The following AFDN variants were observed in gnomAD, a reference collection of about 807,000 sequenced individuals.
The protein encoded by AFDN is afadin.
In AFDN, 68 loss-of-function variants were observed where a neutral mutation model predicts 216.6. That is an observed-to-expected ratio of 0.31 (90% CI 0.26 to 0.38). The LOEUF is 0.38. Ranked by LOEUF, AFDN falls within the 10% of genes least tolerant of loss-of-function variation. AFDN has a pLI of 1.00. For missense variants in AFDN, 2,136 were observed against 2,342.0 expected, an observed-to-expected ratio of 0.91 and a Z score of 1.82; for synonymous variants, 868 against 853.7, an observed-to-expected ratio of 1.02 and a Z score of -0.29.
At chr6:167,930,078 G>A (rs905687656) in intron 23 of AFDN, among the ~76,000 whole-genome samples, 1 of 152,054 alleles carries the variant, frequency 6.6e-6, no homozygotes, top group East Asian at 1.9e-4. Flanking sequence ...GATGATGTGC[G>A]CCTGTGGTCC....
rs938483819 is a variant in AFDN, at chr6:167,917,188, T to C, written c.2665T>C (p.Leu889=). ...AAATTCATTACAACTTCAAGCCTTA[T>C]TACAGAACTATCACTGTGCACCTGA... ...KLNSLQLQAL[L]QNYHCAPDEP... is the part of the protein sequence containing the mutation. Residue 889 remains leucine, a synonymous_variant, in exon 20 of 34, where the codon TTA becomes CTA. Coordinates refer to ENST00000683244, the MANE Select transcript of AFDN (RefSeq NM_001386888.1). 6.2e-7 allele frequency: 1 copy of C among 1,610,680 alleles called. No homozygotes were observed.
chr6:167,925,070 C>T lies in AFDN; in HGVS notation c.3078C>T (p.Gly1026=), dbSNP rs756862119. Residue 1026 remains glycine (G), a synonymous_variant, in exon 23 of 34, where the codon GGC becomes GGT. Transcript: ENST00000683244. The part of the protein sequence containing the change: ...TVTLKKQNGM[G]LSIVAAKGAG... ...CCCTAAAAAAGCAGAATGGAATGGG[C>T]CTTAGCATTGTTGCAGCAAAGGTAG... 1.2e-6 allele frequency: 2 copies of T among 1,613,378 alleles called. No individual in the cohort carries two copies. Among genetic ancestry groups the T allele is most frequent in the Non-Finnish European group, 1.7e-6 (2 of 1,179,330 alleles).
intron 6 of AFDN, among the ~76,000 whole-genome samples, chr6:167,888,551 T>G (rs1268862972): frequency 1.3e-5 from 2 of 152,192 alleles, no homozygotes; most frequent in African/African-American, 2.4e-5. Flanking sequence ...TACAGTGTTT[T>G]GGGGGCTTTC....
chr6:167,951,691 G>A lies in AFDN; in HGVS notation c.4337G>A (p.Arg1446Lys). 6.2e-7 allele frequency: 1 copy of A among 1,614,062 alleles called. No individual in the cohort carries two copies. The highest frequency in any genetic ancestry group is 8.5e-7 in the Non-Finnish European group (1 of 1,179,978). Residue 1446 changes from arginine (R) to lysine (K), a missense_variant, in exon 30 of 34, where the codon AGG becomes AAG. Arg to Lys is a conservative substitution (Grantham distance 26, BLOSUM62 2). This residue lies in a region of AFDN where 981 missense variants were observed against 966.0 expected (regional missense o/e 1.02). Coordinates refer to ENST00000683244, the MANE Select transcript of AFDN (RefSeq NM_001386888.1). The surrounding 1 kb of genome is among the most constrained non-coding windows in gnomAD (Gnocchi z 7.1). The stretch of plus-strand genomic sequence containing the variant: ...GAGAGGAAGCGGAGAGAGCAGGAGA[G>A]GAAGTTGGGCCAGATGCGCACTCAG... ...ERERKRREQE[R>K]KLGQMRTQSL...
intron 30 of AFDN, among the ~76,000 whole-genome samples, chr6:167,956,437 CT>C (rs775479096): frequency 7.9e-5 from 12 of 152,164 alleles, no homozygotes; most frequent in Non-Finnish European, 1.6e-4. Flanking sequence ...CCCATCACCC[CT>C]GTCAGTCCAG....
intron 1 of AFDN, among the ~76,000 whole-genome samples, chr6:167,862,040 G>A (rs898449688): frequency 6.6e-6 from 1 of 152,194 alleles, no homozygotes; most frequent in Non-Finnish European, 1.5e-5. Context: ...CAGGGTGGTA[G>A]TGTGAAAGTA....
intron 26 of AFDN, 108 bp from the exon 27 acceptor site, chr6:167,946,599 C>CT (rs1795290332): frequency 2.1e-6 from 2 of 937,420 alleles, no homozygotes; most frequent in South Asian, 3.4e-5. Context: ...AAGAATTGAC[C>CT]TTTATCACCT....
intron 3 of AFDN, among the ~76,000 whole-genome samples, chr6:167,871,203 T>C (rs1420210051): frequency 6.7e-6 from 1 of 148,832 alleles, no homozygotes; most frequent in East Asian, 2.1e-4. Context: ...CACTGTTCCA[T>C]GTTGAAGAGT....
rs548268422 is a variant in AFDN at position 167,922,848 on chromosome 6, C to T, written c.2909-8C>T. On this transcript the variant is annotated splice_region_variant and splice_polypyrimidine_tract_variant and intron_variant, in intron 21 of 33. Transcript: ENST00000683244. ...TTTTCACTTACAATTTGCTTGTTTCCTCCTTAGGATTTTGCAGGTTAATTC... is the reference window on the plus strand; with the variant it reads ...TTTTCACTTACAATTTGCTTGTTTCTTCCTTAGGATTTTGCAGGTTAATTC... 480 of 1,590,492 alleles carry T rather than the reference C, an allele frequency of 3.0e-4. 5 individuals are homozygous for T. In the South Asian group the frequency reaches 5.1e-3, roughly 17 times the overall value.
At chr6:167,874,468 A>ATT (rs1785122184) in intron 4 of AFDN, among the ~76,000 whole-genome samples, 3 of 152,222 alleles carry the variant, frequency 2.0e-5, no homozygotes, top group Admixed American at 2.0e-4. Context: ...CATTCTGTAC[A>ATT]TTTGACTTCT....
chr6:167,832,141 A>G (rs1162793612), intron 1 of AFDN, among the ~76,000 whole-genome samples: 1 of 152,232 alleles, frequency 6.6e-6, no homozygotes, highest in East Asian at 1.9e-4. Context: ...GACAGAGATC[A>G]AATGTATCTG....
At chr6:167,857,099 T>A (rs1782986241) in intron 1 of AFDN, among the ~76,000 whole-genome samples, 1 of 152,140 alleles carries the variant, frequency 6.6e-6, no homozygotes, top group Non-Finnish European at 1.5e-5. Flanking sequence ...TTGCTATGAT[T>A]ACGGTAAGAT....
chr6:167,944,608 A>C (rs1246718595), intron 26 of AFDN, among the ~76,000 whole-genome samples: 8 of 152,108 alleles, frequency 5.3e-5, no homozygotes, highest in Admixed American at 4.6e-4. Context: ...CATTCTGAAA[A>C]ATTCGTCCTT....
At position 167,944,005 on chromosome 6, in the gene AFDN, A is replaced by G. The variant is rs766016192; in HGVS notation, c.3304A>G (p.Ile1102Val). ...ACTGGAAGTAGCAAAGCAGGGTGCC[A>G]TCTACCACGGTCTGGCCACCCTTCT... is the stretch of plus-strand genomic sequence containing the variant. ...VTLEVAKQGA[I>V]YHGLATLLNQ... is the part of the protein sequence containing the mutation. The change falls in exon 26 of 34, where the codon ATC becomes GTC. Residue 1102 changes from isoleucine to valine, a missense_variant. This residue lies in a region of AFDN where 74 missense variants were observed against 98.8 expected (regional missense o/e 0.75). Coordinates refer to ENST00000683244, the MANE Select transcript of AFDN (RefSeq NM_001386888.1). 5 of 1,614,198 alleles carry G rather than the reference A, an allele frequency of 3.1e-6. No homozygotes were observed. Among genetic ancestry groups the G allele is most frequent in the African/African-American group, 1.3e-5 (1 of 75,056 alleles).
intron 1 of AFDN, among the ~76,000 whole-genome samples, chr6:167,850,638 T>C (rs1416216870): frequency 6.6e-6 from 1 of 151,808 alleles, no homozygotes; most frequent in Non-Finnish European, 1.5e-5. Context: ...TTTAGAACCT[T>C]CTTATTATTT....
intron 6 of AFDN, among the ~76,000 whole-genome samples, chr6:167,883,734 A>G (rs971049839): frequency 3.3e-5 from 5 of 152,236 alleles, no homozygotes; most frequent in African/African-American, 2.4e-5. Context: ...TCAGCAAGTT[A>G]TAATCTTTTT....
rs190427478 is a variant in AFDN, at chr6:167,908,107, C to T, written c.1769+818C>T. On this transcript the variant is annotated intron_variant, in intron 13 of 33. Coordinates refer to ENST00000683244, the MANE Select transcript of AFDN (RefSeq NM_001386888.1). ...CAGCAGTGAAACTGGCAGCATTCCC[C>T]CTTTGGGGCTTTTCAGATAGATTTT... 5.6e-4 allele frequency among the ~76,000 whole-genome samples: 86 copies of T among 152,342 alleles called. 3 individuals carry two copies. In the East Asian group the frequency reaches 0.014, roughly 25 times the overall value.
chr6:167,935,311 A>G (rs1241257361), intron 23 of AFDN, among the ~76,000 whole-genome samples: 1 of 152,178 alleles, frequency 6.6e-6, no homozygotes, highest in Non-Finnish European at 1.5e-5. Context: ...CAAGATCTAA[A>G]TCTTCTGCCA....
In AFDN at chr6:167,971,499, A is replaced by T. The variant is rs536067149; in HGVS notation, c.*1564A>T. ...TACCATTTCCTTGTTTGAGTAAGAGAGTGAATGGTTCTGAGTGTTTAGGAA... is the reference window on the plus strand; with the variant it reads ...TACCATTTCCTTGTTTGAGTAAGAGTGTGAATGGTTCTGAGTGTTTAGGAA... On this transcript the variant is annotated 3_prime_UTR_variant, in exon 34 of 34. Coordinates refer to ENST00000683244, the MANE Select transcript of AFDN (RefSeq NM_001386888.1). 24 of 195,204 alleles carry T rather than the reference A, an allele frequency of 1.2e-4. No homozygotes were observed. The highest frequency in any genetic ancestry group is 5.3e-4 in the African/African-American group (23 of 43,148). 12.1% of individuals were successfully genotyped at this position (195,204 alleles called of 1,614,324 possible). A position where few individuals can be genotyped will look rare whatever the true frequency, so the allele number is the denominator to read the frequency against.
Sources: gnomAD v4.1 joint callset for allele counts (sites outside exome capture counted in the v4.1 genomes callset) on GRCh38, gnomAD v4.1.1 for gene constraint, gnomAD v4.1.1 regional missense constraint, Gnocchi (gnomAD v3.1) non-coding constraint, MANE v1.5 for transcripts, NCBI Gene and HGNC (gene_info 2026-07-23, HGNC 2026-07-21) for gene names.